VSTM1: variants seen among roughly 807,000 people sequenced by gnomAD.
VSTM1 encodes the protein V-set and transmembrane domain containing 1.
Under a neutral mutation model 33.1 loss-of-function variants are expected in VSTM1, and 27 were observed. The ratio of observed to expected loss-of-function variants is 0.82; its 90% CI spans 0.60 to 1.12. The LOEUF is 1.12. Ranked by LOEUF, VSTM1 falls within the 50% of genes most tolerant of loss-of-function variation. VSTM1 has a pLI of 0.00. For synonymous variants in VSTM1, 115 were observed against 110.3 expected (o/e 1.04, Z -0.27); for missense variants, 304 against 288.9 (o/e 1.05, Z -0.38).
At chr19:54,062,318 G>T (rs1215329827) in intron 1 of VSTM1, among the ~76,000 whole-genome samples, 1 of 152,162 alleles carries the variant, frequency 6.6e-6, no homozygotes, top group Middle Eastern at 3.2e-3. Context: ...AAGCCACCAG[G>T]CTTGTAGTAC....
At chr19:54,050,295 G>A (rs986165620) in intron 4 of VSTM1, among the ~76,000 whole-genome samples, 3 of 151,880 alleles carry the variant, frequency 2.0e-5, no homozygotes, top group Admixed American at 1.3e-4. Context: ...CACCTCGCCT[G>A]GCCCAAAAGC....
intron 1 of VSTM1, 25 bp from the exon 2 acceptor site, chr19:54,058,757 A>G (rs2071237799): frequency 6.2e-7 from 1 of 1,612,706 alleles, no homozygotes; most frequent in Non-Finnish European, 8.5e-7. Context: ...TCAATGAGAG[A>G]AAAATTATGT....
At chr19:54,043,338 C>A (rs1440442919) in intron 4 of VSTM1, among the ~76,000 whole-genome samples, 1 of 152,060 alleles carries the variant, frequency 6.6e-6, no homozygotes, top group Admixed American at 6.6e-5. Context: ...TCAGACTTGC[C>A]AGCTCCCCAC....
chr19:54,042,377 G>C lies in VSTM1; in HGVS notation c.395-8C>G, dbSNP rs1175338174. On this transcript the variant is annotated splice_region_variant and splice_polypyrimidine_tract_variant and intron_variant, in intron 4 of 8. Coordinates refer to ENST00000338372, the MANE Select transcript of VSTM1 (RefSeq NM_198481.4). ...CAAAGATGGTTCTGGTGTCTGGAGG[G>C]GGAAGAGCAGGTCAGGGAATCAGCC... The C allele has an allele frequency of 1.2e-6, 2 of 1,612,334 alleles. No individual in the cohort carries two copies. The highest frequency in any genetic ancestry group is 2.7e-5 in the African/African-American group (2 of 74,848).
intron 3 of VSTM1, chr19:54,055,653 C>T (rs1207038226): frequency 7.0e-6 from 1 of 142,750 alleles, no homozygotes; most frequent in Non-Finnish European, 1.5e-5. Context: ...ACTTGCCTGA[C>T]TTGTAATGGT....
At chr19:54,047,655 T>C (rs564372980) in intron 4 of VSTM1, among the ~76,000 whole-genome samples, 1 of 152,322 alleles carries the variant, frequency 6.6e-6, no homozygotes, top group Non-Finnish European at 1.5e-5. Context: ...CAGCTGCTCC[T>C]GGACTCTCAG....
chr19:54,042,792 G>GTA (rs2070358256), intron 4 of VSTM1, among the ~76,000 whole-genome samples: 1 of 110,928 alleles, frequency 9.0e-6, no homozygotes, highest in South Asian at 3.0e-4. Flanking sequence ...ATATGTGTGT[G>GTA]TATATATAAA....
At chr19:54,054,729 A>G (rs551497832) in intron 3 of VSTM1, among the ~76,000 whole-genome samples, 2 of 138,048 alleles carry the variant, frequency 1.4e-5, no homozygotes, top group African/African-American at 5.4e-5. Flanking sequence ...GAATGGGTGG[A>G]AGGATGGACA....
rs765151792 is a variant in VSTM1, at chr19:54,041,925, C to A, written c.544G>T (p.Glu182Ter). 7 of 1,614,138 alleles carry A rather than the reference C, an allele frequency of 4.3e-6. No individual in the cohort carries two copies. Among genetic ancestry groups the A allele is most frequent in the Middle Eastern group, 1.6e-4 (1 of 6,062 alleles). ...RTSHSKLPEQ[E>*]AAEADLSNME... ...TTCCCCTGTCCCTTACCGGCAGCCT[C>A]CTGCTCCGGAAGTTTGGAATGGCTG... The change falls in exon 7 of 9, where the codon GAG (glutamate) becomes TAG (stop). Residue 182 changes from glutamate (E) to a stop codon, truncating the protein, a stop_gained. Coordinates refer to ENST00000338372, the MANE Select transcript of VSTM1 (RefSeq NM_198481.4). LOFTEE classifies it high-confidence loss of function.
chr19:54,051,720 C>T (rs2070849383), intron 3 of VSTM1, among the ~76,000 whole-genome samples: 1 of 152,078 alleles, frequency 6.6e-6, no homozygotes, highest in Admixed American at 6.6e-5. Flanking sequence ...TGATTCCTTG[C>T]CAGTCTTCTC....
chr19:54,041,581 G>A (rs370496153), intron 8 of VSTM1, among the ~76,000 whole-genome samples, 198 bp downstream of exon 8: 1 of 152,172 alleles, frequency 6.6e-6, no homozygotes, highest in African/African-American at 2.4e-5. Flanking sequence ...GATTACAGGC[G>A]TGAGCCACCG....
intron 4 of VSTM1, among the ~76,000 whole-genome samples, chr19:54,046,531 C>T (rs1371921598): frequency 6.6e-6 from 1 of 151,664 alleles, no homozygotes; most frequent in Non-Finnish European, 1.5e-5. Context: ...TTTTTTTTCA[C>T]CCAATATTCC....
Position 54,042,151 on chromosome 19 carries a change from G to C in VSTM1, c.515+18C>G. 6.2e-7 allele frequency: 1 copy of C among 1,613,902 alleles called. No homozygotes were observed. The highest frequency in any genetic ancestry group is 8.5e-7 in the Non-Finnish European group (1 of 1,179,968). ...TGACATGGGAATAAGTGGAGCATGA[G>C]CTATGCCAAGCATCTACCTCTTGGT... On this transcript the variant is annotated intron_variant, in intron 6 of 8. Coordinates refer to ENST00000338372, the MANE Select transcript of VSTM1 (RefSeq NM_198481.4).
chr19:54,062,587 G>A (rs756561909), intron 1 of VSTM1, among the ~76,000 whole-genome samples: 3 of 151,906 alleles, frequency 2.0e-5, no homozygotes, highest in Non-Finnish European at 4.4e-5. Flanking sequence ...AGCCAGGCGT[G>A]GTGGCGTGTG....
chr19:54,062,593 G>A (rs997219402), intron 1 of VSTM1, among the ~76,000 whole-genome samples: 27 of 151,580 alleles, frequency 1.8e-4, no homozygotes, highest in South Asian at 2.1e-4. Context: ...GCGTGGTGGC[G>A]TGTGCCTATA....
At chr19:54,042,394 GA>G in intron 4 of VSTM1, 25 bp from the exon 5 acceptor site, 1 of 1,608,488 alleles carries the variant, frequency 6.2e-7, no homozygotes, top group Non-Finnish European at 8.5e-7. Flanking sequence ...GCAGGTCAGG[GA>G]ATCAGCCTGG....
chr19:54,062,786 G>T (rs948844353), intron 1 of VSTM1, among the ~76,000 whole-genome samples: 2 of 151,198 alleles, frequency 1.3e-5, no homozygotes, highest in African/African-American at 4.9e-5. Context: ...TACCCCACAA[G>T]GAAGGGCTGC....
chr19:54,041,949 T>A lies in VSTM1; in HGVS notation c.520A>T (p.Ser174Cys), dbSNP rs1173278551. The change falls in exon 7 of 9, where the codon AGC becomes TGC. Residue 174 changes from serine to cysteine, a missense_variant. Ser to Cys is a moderately radical substitution (Grantham distance 112). Transcript: ENST00000338372. ...TCCTGCTCCGGAAGTTTGGAATGGC[T>A]GGTTCTGAAAGAGAGAGACACACGT... ...SSSEESTKRT[S>C]HSKLPEQEAA... 1.2e-6 allele frequency: 2 copies of A among 1,613,996 alleles called. No individual in the cohort carries two copies. The highest frequency in any genetic ancestry group is 2.7e-5 in the African/African-American group (2 of 74,882).
chr19:54,044,366 C>G (rs1028623284), intron 4 of VSTM1, among the ~76,000 whole-genome samples: 1 of 152,052 alleles, frequency 6.6e-6, no homozygotes, highest in Non-Finnish European at 1.5e-5. Context: ...CGAGACCAGC[C>G]TGGCCAACAT....
Sources: gnomAD v4.1 joint callset for allele counts (sites outside exome capture counted in the v4.1 genomes callset) on GRCh38, gnomAD v4.1.1 for gene constraint, MANE v1.5 for transcripts, NCBI Gene and HGNC (gene_info 2026-07-23, HGNC 2026-07-21) for gene names.